The following PCDH9 variants were observed in gnomAD, a reference collection of about 807,000 sequenced individuals.
The protein encoded by PCDH9 is protocadherin 9.
Under a neutral mutation model 70.6 loss-of-function variants are expected in PCDH9, and 24 were observed. The observed-to-expected ratio is 0.34, with a 90% CI of 0.25 to 0.48. The LOEUF (loss-of-function observed/expected upper bound fraction) is 0.48, where lower values mean the gene tolerates loss of function less well. Ranked by LOEUF, PCDH9 falls within the 20% of genes least tolerant of loss-of-function variation. The pLI is 0.99. For synonymous variants in PCDH9, 562 were observed against 558.5 expected (o/e 1.01, Z -0.09); for missense variants, 1,281 against 1,503.6 (o/e 0.85, Z 2.45).
intron 4 of PCDH9, among the ~76,000 whole-genome samples, chr13:66,606,295 G>A (rs777301665): frequency 2.0e-5 from 3 of 152,064 alleles, no homozygotes; most frequent in Non-Finnish European, 4.4e-5. Context: ...ATTATAGTGA[G>A]TACTTTTAAC....
intron 2 of PCDH9, chr13:67,202,807 T>A (rs1418540014): frequency 2.0e-5 from 3 of 152,090 alleles, no homozygotes; most frequent in Non-Finnish European, 2.9e-5. Flanking sequence ...TGGACTGATG[T>A]ATAAGTGAGG....
intron 3 of PCDH9, among the ~76,000 whole-genome samples, chr13:66,651,980 C>CA (rs2077858637): frequency 6.6e-6 from 1 of 151,890 alleles, no homozygotes; most frequent in South Asian, 2.1e-4. Context: ...TAAAAACACT[C>CA]AAAAAACTGG....
At chr13:66,854,070 T>C (rs2081356604) in intron 3 of PCDH9, among the ~76,000 whole-genome samples, 1 of 152,186 alleles carries the variant, frequency 6.6e-6, no homozygotes, top group African/African-American at 2.4e-5. Flanking sequence ...AAATGTAAAA[T>C]GCTGTTCTTT....
intron 4 of PCDH9, among the ~76,000 whole-genome samples, chr13:66,467,026 T>G (rs962638002): frequency 6.6e-6 from 1 of 152,092 alleles, no homozygotes; most frequent in Admixed American, 6.6e-5. Flanking sequence ...TGGCAAAAAT[T>G]TTGATGAAAG....
intron 4 of PCDH9, among the ~76,000 whole-genome samples, chr13:66,572,830 G>A (rs1333357199): frequency 1.3e-5 from 2 of 152,054 alleles, no homozygotes; most frequent in Admixed American, 6.6e-5. Flanking sequence ...CATGATCACA[G>A]CTTACTGCAG....
chr13:67,146,603 A>G (rs1354228098), intron 2 of PCDH9, among the ~76,000 whole-genome samples: 1 of 152,180 alleles, frequency 6.6e-6, no homozygotes, highest in Non-Finnish European at 1.5e-5. Flanking sequence ...AAAAATATGC[A>G]TGGAACATCG....
At chr13:66,577,506 G>C (rs1014146194) in intron 4 of PCDH9, among the ~76,000 whole-genome samples, 12 of 151,956 alleles carry the variant, frequency 7.9e-5, no homozygotes, top group African/African-American at 2.9e-4. Flanking sequence ...TTGAGAGAAA[G>C]CTTGTTATGC....
chr13:66,666,260 A>G, intron 3 of PCDH9, among the ~76,000 whole-genome samples: 1 of 152,088 alleles, frequency 6.6e-6, no homozygotes, highest in Non-Finnish European at 1.5e-5. Flanking sequence ...AGCAGACCAG[A>G]CTAGGTGGAG....
intron 2 of PCDH9, among the ~76,000 whole-genome samples, chr13:67,113,801 C>T (rs2086707640): frequency 1.3e-5 from 2 of 152,146 alleles, no homozygotes; most frequent in Non-Finnish European, 2.9e-5. Context: ...CCCGCCTCGG[C>T]CTCCCAAAGT....
At chr13:66,732,074 T>C (rs902225244) in intron 3 of PCDH9, among the ~76,000 whole-genome samples, 1 of 151,990 alleles carries the variant, frequency 6.6e-6, no homozygotes, top group African/African-American at 2.4e-5. Context: ...CACAGCAAAA[T>C]TCAATATTTG....
intron 4 of PCDH9, among the ~76,000 whole-genome samples, chr13:66,314,053 T>C (rs1486590617): frequency 6.6e-6 from 1 of 152,218 alleles, no homozygotes; most frequent in Non-Finnish European, 1.5e-5. Context: ...GCTTCTCAAA[T>C]GTTAATATGT....
At position 66,579,508 on chromosome 13, in the gene PCDH9, T is replaced by C. The variant is rs907439163; in HGVS notation, c.3340+51702A>G. Among the ~76,000 whole-genome samples, 7 of 152,060 alleles carry C rather than the reference T, an allele frequency of 4.6e-5. No homozygotes were observed. In the East Asian group the frequency reaches 1.2e-3, roughly 25 times the overall value. ...TATTCCAATGGTAGAAAAATGGATT[T>C]TCGATGCTGACAATTTTGCTGTGAG... On this transcript the variant is annotated intron_variant, in intron 4 of 4. Transcript: ENST00000377865.
At chr13:66,621,981 G>A (rs558800665) in intron 4 of PCDH9, among the ~76,000 whole-genome samples, 10 of 152,364 alleles carry the variant, frequency 6.6e-5, no homozygotes, top group Admixed American at 1.3e-4. Flanking sequence ...GGCTGCGCGT[G>A]GGGCTTGCGG....
intron 4 of PCDH9, among the ~76,000 whole-genome samples, chr13:66,550,053 G>A (rs1387772224): frequency 6.6e-6 from 1 of 151,972 alleles, no homozygotes; most frequent in African/African-American, 2.4e-5. Context: ...ATTTTTAAAG[G>A]AGGAAAGTCT....
chr13:67,193,310 G>T (rs2088968016), intron 2 of PCDH9, among the ~76,000 whole-genome samples: 3 of 149,724 alleles, frequency 2.0e-5, no homozygotes, highest in Non-Finnish European at 4.4e-5. Context: ...GAAGATTTGT[G>T]CTTTGTGCTA....
Position 66,903,595 on chromosome 13 carries a change from T to G in PCDH9, c.3047A>C (p.His1016Pro). ...GPLHTRQCNS[H>P]SKSDNIPVTP... The stretch of plus-strand genomic sequence containing the variant: ...GACAGGAATATTGTCACTTTTGCTG[T>G]GTGAGTTACACTGAAAGAGATTACC... Residue 1016 changes from histidine (H) to proline (P), a missense_variant, in exon 3 of 5, where the codon CAC (histidine) becomes CCC (proline). By Grantham distance (77) the His-to-Pro change is moderately conservative. This residue lies in a region of PCDH9 where 264 missense variants were observed against 278.8 expected (regional missense o/e 0.95). Transcript: ENST00000377865. The G allele has an allele frequency of 6.8e-7, 1 of 1,473,768 alleles. No homozygotes were observed. The highest frequency in any genetic ancestry group is 9.5e-7 in the Non-Finnish European group (1 of 1,054,018). 91.3% of individuals were successfully genotyped at this position (1,473,768 alleles called of 1,614,324 possible). A position where few individuals can be genotyped will look rare whatever the true frequency, so the allele number is the denominator to read the frequency against.
At chr13:66,600,184 A>G (rs2138842232) in intron 4 of PCDH9, among the ~76,000 whole-genome samples, 1 of 152,042 alleles carries the variant, frequency 6.6e-6, no homozygotes, top group African/African-American at 2.4e-5. Flanking sequence ...CAAACAGACC[A>G]AGAACTAACT....
intron 2 of PCDH9, among the ~76,000 whole-genome samples, chr13:67,054,136 CA>C (rs1400453733): frequency 6.6e-6 from 1 of 152,204 alleles, no homozygotes; most frequent in Admixed American, 6.5e-5. Flanking sequence ...CATTACATTA[CA>C]AAAAATTTTC....
intron 3 of PCDH9, among the ~76,000 whole-genome samples, chr13:66,673,981 C>T (rs1341589441): frequency 1.3e-5 from 2 of 152,064 alleles, no homozygotes; most frequent in African/African-American, 4.8e-5. Context: ...ACCACCAACA[C>T]ATTTAGGAAA....
Sources: gnomAD v4.1 joint callset for allele counts (sites outside exome capture counted in the v4.1 genomes callset) on GRCh38, gnomAD v4.1.1 for gene constraint, gnomAD v4.1.1 regional missense constraint, MANE v1.5 for transcripts, NCBI Gene and HGNC (gene_info 2026-07-23, HGNC 2026-07-21) for gene names.